BNC2: variants seen among roughly 807,000 people sequenced by gnomAD.
The protein encoded by BNC2 is zinc finger protein basonuclin-2.
Under a neutral mutation model 76.3 loss-of-function variants are expected in BNC2, and 20 were observed. The ratio of observed to expected loss-of-function variants is 0.26; its 90% CI spans 0.18 to 0.38. The LOEUF is 0.38. Among genes scored for constraint, BNC2 ranks in the 10% least tolerant of loss-of-function variants. The pLI is 1.00. For missense variants in BNC2, 1,382 were observed against 1,399.8 expected, an observed-to-expected ratio of 0.99 and a Z score of 0.20; for synonymous variants, 582 against 514.8, an observed-to-expected ratio of 1.13 and a Z score of -1.77.
intron 1 of BNC2, among the ~76,000 whole-genome samples, chr9:16,860,051 G>C (rs1482346546): frequency 6.6e-6 from 1 of 150,782 alleles, no homozygotes; most frequent in Non-Finnish European, 1.5e-5. Context: ...GAACCAGGGA[G>C]GTGGAGGCTG....
intron 5 of BNC2, among the ~76,000 whole-genome samples, chr9:16,439,546 A>G (rs1248969586): frequency 6.6e-6 from 1 of 152,170 alleles, no homozygotes; most frequent in East Asian, 1.9e-4. Context: ...TGCTTTATGT[A>G]GGATGTTACA....
rs527254873 is a variant in BNC2 at position 16,750,369 on chromosome 9, C to T, written c.4-11884G>A. 2.0e-5 allele frequency among the ~76,000 whole-genome samples: 3 copies of T among 152,332 alleles called. No homozygotes were observed. The East Asian group carries it at 5.8e-4, about 29-fold the overall frequency. ...TGCTCTATCTTCAATTCTCTACCATCTACTACTGACTGGCATCACACCCAA... is the reference window on the plus strand; with the variant it reads ...TGCTCTATCTTCAATTCTCTACCATTTACTACTGACTGGCATCACACCCAA... On this transcript the variant is annotated intron_variant, in intron 1 of 6. Coordinates refer to ENST00000380672, the MANE Select transcript of BNC2 (RefSeq NM_017637.6).
At chr9:16,550,726 T>C (rs1038832419) in intron 5 of BNC2, among the ~76,000 whole-genome samples, 1 of 152,148 alleles carries the variant, frequency 6.6e-6, no homozygotes, top group Non-Finnish European at 1.5e-5. Flanking sequence ...TGAAATACAA[T>C]ATTAATGACA....
chr9:16,809,573 A>G (rs992783063), intron 1 of BNC2, among the ~76,000 whole-genome samples: 21 of 152,082 alleles, frequency 1.4e-4, no homozygotes, highest in African/African-American at 5.1e-4. Context: ...AACTCAATGC[A>G]CAGCAATTCA....
At chr9:16,727,671 C>G in intron 3 of BNC2, 126 bp downstream of exon 3, 2 of 783,744 alleles carry the variant, frequency 2.6e-6, no homozygotes, top group Non-Finnish European at 4.0e-6. Context: ...AAACAAGAGC[C>G]TAACTAGGAA....
intron 1 of BNC2, among the ~76,000 whole-genome samples, chr9:16,846,432 T>C (rs998257621): frequency 3.3e-5 from 5 of 152,242 alleles, no homozygotes; most frequent in African/African-American, 1.2e-4. Context: ...TTCTGTGGTA[T>C]ATTCTTTCCC....
intron 3 of BNC2, among the ~76,000 whole-genome samples, chr9:16,595,976 A>G (rs1820057390): frequency 6.6e-6 from 1 of 152,140 alleles, no homozygotes; most frequent in African/African-American, 2.4e-5. Context: ...CTGAATCAAC[A>G]TAATGGGCTA....
chr9:16,631,991 G>A (rs1423825581), intron 3 of BNC2, among the ~76,000 whole-genome samples: 2 of 152,138 alleles, frequency 1.3e-5, no homozygotes, highest in East Asian at 1.9e-4. Context: ...TGTGTTGCTG[G>A]GGCAATAAGG....
chr9:16,793,821 G>A (rs1049009782), intron 1 of BNC2, among the ~76,000 whole-genome samples: 9 of 148,700 alleles, frequency 6.1e-5, no homozygotes, highest in Non-Finnish European at 1.2e-4. Context: ...GCAGGTGCCC[G>A]CCACCATGCC....
At chr9:16,801,475 A>G (rs1309118571) in intron 1 of BNC2, among the ~76,000 whole-genome samples, 2 of 151,192 alleles carry the variant, frequency 1.3e-5, no homozygotes, top group African/African-American at 2.4e-5. Flanking sequence ...TGACCTCGTG[A>G]TCTACCCACC....
At chr9:16,817,423 G>A (rs1818212793) in intron 1 of BNC2, among the ~76,000 whole-genome samples, 1 of 152,170 alleles carries the variant, frequency 6.6e-6, no homozygotes, top group Non-Finnish European at 1.5e-5. Context: ...TTCTTATACT[G>A]CTATGGATGT....
intron 1 of BNC2, among the ~76,000 whole-genome samples, chr9:16,842,667 C>T (rs1005950844): frequency 1.3e-5 from 2 of 152,056 alleles, no homozygotes; most frequent in Admixed American, 1.3e-4. Flanking sequence ...CAAACATTAA[C>T]ATTTGGGAAA....
At chr9:16,430,076 T>G (rs542237356) in intron 6 of BNC2, 231 of 461,622 alleles carry the variant, frequency 5.0e-4, no homozygotes, top group African/African-American at 4.4e-3. Context: ...AGGGCACAAC[T>G]AGCAATTACT....
Position 16,685,379 on chromosome 9 carries a change from C to T in BNC2, c.330+42418G>A, listed in dbSNP as rs1289379240. On this transcript the variant is annotated intron_variant, in intron 3 of 6. Transcript: ENST00000380672. ...ACAAATGATCTACAGTTACAGACAACGCATCCTGAAAAGGACCTATGGCTG... is the reference window on the plus strand; with the variant it reads ...ACAAATGATCTACAGTTACAGACAATGCATCCTGAAAAGGACCTATGGCTG... Among the ~76,000 whole-genome samples the T allele has an allele frequency of 2.6e-5, 4 of 152,330 alleles. No homozygotes were observed. In the South Asian group the frequency reaches 6.2e-4, roughly 24 times the overall value.
At chr9:16,499,884 T>C (rs1024631906) in intron 5 of BNC2, among the ~76,000 whole-genome samples, 8 of 151,982 alleles carry the variant, frequency 5.3e-5, no homozygotes, top group Non-Finnish European at 1.2e-4. Context: ...TAAGAAAATA[T>C]GATCAATCTT....
chr9:16,710,996 T>C (rs566080106), intron 3 of BNC2, among the ~76,000 whole-genome samples: 1 of 152,280 alleles, frequency 6.6e-6, no homozygotes, highest in East Asian at 1.9e-4. Context: ...TCGCGTGTCA[T>C]GTGTAGAGTG....
At chr9:16,539,254 T>C (rs973422404) in intron 5 of BNC2, among the ~76,000 whole-genome samples, 1 of 152,138 alleles carries the variant, frequency 6.6e-6, no homozygotes, top group Non-Finnish European at 1.5e-5. Flanking sequence ...GGCTCACGTC[T>C]GTAACCCCTA....
intron 5 of BNC2, among the ~76,000 whole-genome samples, chr9:16,499,520 CT>C (rs146073367): frequency 4.8e-5 from 6 of 126,190 alleles, no homozygotes; most frequent in East Asian, 2.4e-4. Flanking sequence ...CCCTAAATAT[CT>C]TTTTTTTTCT....
intron 3 of BNC2, among the ~76,000 whole-genome samples, chr9:16,626,950 C>T (rs1209006146): frequency 1.3e-5 from 2 of 152,152 alleles, no homozygotes; most frequent in Non-Finnish European, 2.9e-5. Context: ...CCAAACAGCA[C>T]GGGCATGTCT....
Sources: gnomAD v4.1 joint callset for allele counts (sites outside exome capture counted in the v4.1 genomes callset) on GRCh38, gnomAD v4.1.1 for gene constraint, MANE v1.5 for transcripts, NCBI Gene and HGNC (gene_info 2026-07-23, HGNC 2026-07-21) for gene names.